Variants in CCDC33 observed in about 807,000 individuals in gnomAD.
CCDC33 encodes coiled-coil domain-containing protein 33.
Under a neutral mutation model 91.9 loss-of-function variants are expected in CCDC33, and 94 were observed. The observed-to-expected ratio is 1.02, with a 90% confidence interval of 0.87 to 1.21. The LOEUF (loss-of-function observed/expected upper bound fraction) is 1.21. Ranked by LOEUF, CCDC33 falls within the 50% of genes most tolerant of loss-of-function variation. The probability of loss-of-function intolerance (pLI) is 0.00; values close to 1 mark genes in which losing one functional copy is unlikely to be tolerated. For synonymous variants in CCDC33, 396 were observed against 374.5 expected (o/e 1.06, Z -0.66); for missense variants, 940 against 935.5 (o/e 1.00, Z -0.06).
In CCDC33 at chr15:74,208,036, A is replaced by C. The variant is rs375384427; in HGVS notation, n.90-1352A>C. 23 of 1,349,778 alleles carry C rather than the reference A, an allele frequency of 1.7e-5. No homozygotes were observed. The East Asian group carries it at 6.7e-4, about 40-fold the overall frequency. The allele number at this position is 1,349,778 out of a possible 1,614,324, so 83.6% of individuals were successfully genotyped here. A position where few individuals can be genotyped will look rare whatever the true frequency, so the allele number is the denominator to read the frequency against. On this transcript the variant is annotated intron_variant and non_coding_transcript_variant, in intron 1 of 3. Coordinates refer to the CCDC33 transcript ENST00000558645. ...CTGCAATTCTCATGCCCCCCTCACC[A>C]ACAGCATCATCATAACATAAAGGAT...
intron 2 of CCDC33, among the ~76,000 whole-genome samples, chr15:74,226,843 A>T (rs1282768133): frequency 1.3e-5 from 2 of 149,784 alleles, no homozygotes; most frequent in African/African-American, 2.4e-5. Flanking sequence ...AAAAAAAAAA[A>T]GGTGGAGGAC....
chr15:74,208,954 G>A, intron 1 of CCDC33: 3 of 1,002,334 alleles, frequency 3.0e-6, no homozygotes, highest in Non-Finnish European at 3.6e-6. Flanking sequence ...GGATCCTAGA[G>A]GGGTGGCTGG....
At chr15:74,332,951 AG>A in intron 16 of CCDC33, 106 bp downstream of exon 16, 1 of 1,366,022 alleles carries the variant, frequency 7.3e-7, no homozygotes, top group Non-Finnish European at 9.9e-7. Context: ...TAAGCTTCCC[AG>A]GGTCTCCAGT....
chr15:74,256,368 C>T (rs939480774), intron 2 of CCDC33, among the ~76,000 whole-genome samples: 2 of 152,260 alleles, frequency 1.3e-5, no homozygotes, highest in South Asian at 2.1e-4. Context: ...TCAGGAAGTT[C>T]GACTTTATGT....
intron 1 of CCDC33, 137 bp from the exon 2 acceptor site, chr15:74,243,848 G>A (rs1442810181): frequency 5.5e-6 from 5 of 916,950 alleles, no homozygotes; most frequent in Non-Finnish European, 6.8e-6. Flanking sequence ...TGGAGGCTGA[G>A]GCAGGAGAAT....
intron 10 of CCDC33, 127 bp downstream of exon 10, chr15:74,281,976 C>A: frequency 1.4e-6 from 1 of 739,414 alleles, no homozygotes; most frequent in Non-Finnish European, 2.2e-6. Context: ...TGGATAGAAA[C>A]GTCTAAGGGT....
intron 11 of CCDC33, among the ~76,000 whole-genome samples, chr15:74,325,004 C>T (rs1318192521): frequency 1.3e-5 from 2 of 151,412 alleles, no homozygotes; most frequent in Non-Finnish European, 2.9e-5. Context: ...GCACCTCCTC[C>T]ACCCAAAGAC....
At chr15:74,232,568 T>C (rs1020373646), upstream of CCDC33, among the ~76,000 whole-genome samples, 4 of 152,204 alleles carry the variant, frequency 2.6e-5, no homozygotes, top group Non-Finnish European at 4.4e-5. Context: ...TATCTCCCTA[T>C]CACTCTTTCT....
At position 74,266,804 on chromosome 15, in the gene CCDC33, G is replaced by C. The variant is rs981094006; in HGVS notation, c.429+17G>C. On this transcript the variant is annotated intron_variant, in intron 4 of 18. Transcript: ENST00000398814. ...CTGGTGAAGGTGAGTCAGAGGCCTG[G>C]GGAAGTGCCGGGAGAGCAGGTGGGA... 1 of 1,580,184 alleles carries C rather than the reference G, an allele frequency of 6.3e-7. No homozygotes were observed. Among genetic ancestry groups the C allele is most frequent in the Non-Finnish European group, 8.7e-7 (1 of 1,149,478 alleles).
At chr15:74,294,287 T>G (rs1239688562) in intron 10 of CCDC33, among the ~76,000 whole-genome samples, 3 of 152,212 alleles carry the variant, frequency 2.0e-5, no homozygotes, top group African/African-American at 7.2e-5. Context: ...ACTGGCTCAC[T>G]TTTGAGGTCC....
chr15:74,289,315 G>A (rs1450285790), intron 10 of CCDC33, among the ~76,000 whole-genome samples: 1 of 152,232 alleles, frequency 6.6e-6, no homozygotes, highest in African/African-American at 2.4e-5. Context: ...TGAGTTGGGG[G>A]CTGTGGAGCC....
At chr15:74,208,567 C>T (rs529517264) in intron 1 of CCDC33, among the ~76,000 whole-genome samples, 3 of 152,258 alleles carry the variant, frequency 2.0e-5, no homozygotes, top group Non-Finnish European at 2.9e-5. Context: ...CAGGACTCTG[C>T]GAATGTCTCC....
rs1220834457 is a variant in CCDC33, at chr15:74,298,535, T to TTTTG, written c.1290+2603_1290+2606dup. ...CATTAGGAGGAAGTGTTTTTTGGTT[T>TTTTG]TTTGTTTGTTTGTTTGTTTTCGAGA... is the stretch of plus-strand genomic sequence containing the variant. On this transcript the variant is annotated intron_variant, in intron 11 of 18. Coordinates refer to ENST00000398814, the MANE Select transcript of CCDC33 (RefSeq NM_025055.5). Among the ~76,000 whole-genome samples, 8 of 152,072 alleles carry TTTTG rather than the reference T, an allele frequency of 5.3e-5. No homozygotes were observed. The South Asian group carries it at 6.2e-4, about 12-fold the overall frequency.
At chr15:74,215,806 G>T (rs922541099), upstream of CCDC33, among the ~76,000 whole-genome samples, 2 of 151,476 alleles carry the variant, frequency 1.3e-5, no homozygotes, top group South Asian at 4.2e-4. Flanking sequence ...GGGAGGCAGA[G>T]GTTGCAGTGA....
chr15:74,252,562 G>A (rs1010492025), intron 2 of CCDC33, among the ~76,000 whole-genome samples: 1 of 152,224 alleles, frequency 6.6e-6, no homozygotes, highest in African/African-American at 2.4e-5. Context: ...TTATTCCCAT[G>A]TGATAGTGGA....
intron 2 of CCDC33, among the ~76,000 whole-genome samples, chr15:74,219,362 G>A (rs559499563): frequency 3.9e-5 from 6 of 152,354 alleles, no homozygotes; most frequent in African/African-American, 1.4e-4. Flanking sequence ...AGCATGTCTA[G>A]TAGGCCTCAC....
At chr15:74,269,488 G>A (rs926236032) in intron 5 of CCDC33, among the ~76,000 whole-genome samples, 3 of 152,018 alleles carry the variant, frequency 2.0e-5, no homozygotes, top group African/African-American at 4.8e-5. Flanking sequence ...ACCTACAGGC[G>A]CCCTCTGCTC....
At chr15:74,252,606 TC>T (rs2075743525) in intron 2 of CCDC33, among the ~76,000 whole-genome samples, 1 of 152,142 alleles carries the variant, frequency 6.6e-6, no homozygotes, top group Non-Finnish European at 1.5e-5. Flanking sequence ...TGTGGATGTG[TC>T]TGAGGTCACA....
At chr15:74,259,379 C>T (rs2075960809) in intron 2 of CCDC33, among the ~76,000 whole-genome samples, 2 of 152,020 alleles carry the variant, frequency 1.3e-5, no homozygotes, top group South Asian at 2.1e-4. Flanking sequence ...AGGGAGTGAG[C>T]TCATCCCCTG....
Sources: allele counts gnomAD v4.1 joint callset (sites outside exome capture counted in the v4.1 genomes callset), GRCh38; gene constraint gnomAD v4.1.1; transcripts MANE v1.5; gene names NCBI Gene and HGNC (gene_info 2026-07-23, HGNC 2026-07-21).